The following PCDH11X variants were observed in gnomAD, a reference collection of about 807,000 sequenced individuals.
PCDH11X encodes protocadherin 11 X-linked.
In PCDH11X, 18 loss-of-function variants were observed where a neutral mutation model predicts 53.3. That is an observed-to-expected ratio of 0.34 (90% confidence interval 0.23 to 0.50). The LOEUF (loss-of-function observed/expected upper bound fraction) is 0.50. Ranked by LOEUF, PCDH11X falls within the 20% of genes least tolerant of loss-of-function variation. The probability of loss-of-function intolerance (pLI) is 0.98; values close to 1 mark genes in which losing one functional copy is unlikely to be tolerated. For synonymous variants in PCDH11X, 279 were observed against 393.3 expected, an observed-to-expected ratio of 0.71 and a Z score of 3.44; for missense variants, 570 against 1,032.4, an observed-to-expected ratio of 0.55 and a Z score of 6.14.
At chrX:92,439,721 T>C (rs2072468739) in intron 9 of PCDH11X, among the ~76,000 whole-genome samples, 1 of 107,613 alleles carries the variant, frequency 9.3e-6, no homozygotes. Context: ...TTCTCTCCCC[T>C]CCTCCTCCAT....
intron 6 of PCDH11X, among the ~76,000 whole-genome samples, chrX:91,961,600 A>T (rs1375976087): frequency 9.1e-6 from 1 of 110,258 alleles, no homozygotes; most frequent in African/African-American, 3.3e-5. Flanking sequence ...AAACGAATTC[A>T]GTAAAGTCAC....
intron 7 of PCDH11X, among the ~76,000 whole-genome samples, chrX:92,257,372 TC>T (rs1462753140): frequency 9.0e-6 from 1 of 110,832 alleles, no homozygotes; most frequent in Non-Finnish European, 1.9e-5. Context: ...GCCCCTGGCC[TC>T]CCCCAAATCT....
intron 10 of PCDH11X, among the ~76,000 whole-genome samples, chrX:92,471,928 G>T (rs2073271501): frequency 9.0e-6 from 1 of 110,926 alleles, no homozygotes; most frequent in Non-Finnish European, 1.9e-5. Context: ...GTCTGCTCAT[G>T]TATTTTGTCA....
At chrX:92,367,547 G>A (rs2070505495) in intron 8 of PCDH11X, among the ~76,000 whole-genome samples, 1 of 111,001 alleles carries the variant, frequency 9.0e-6, no homozygotes, top group Admixed American at 9.6e-5. Context: ...TATGATCCTG[G>A]CAGGTTATTT....
rs191062787 is a variant in PCDH11X, at chrX:92,322,522, G to A, written c.3144+59379G>A. The stretch of plus-strand genomic sequence containing the variant: ...ACTCGGGTATAGTCTATGGCTTTAT[G>A]AAGTCTTTATATCTTATTTACTGTA... On this transcript the variant is annotated intron_variant, in intron 8 of 10. Coordinates refer to ENST00000682573, the MANE Select transcript of PCDH11X (RefSeq NM_032968.5). Among the ~76,000 whole-genome samples, 69 of 111,390 alleles carry A rather than the reference G, an allele frequency of 6.2e-4. 1 individual carries two copies. The highest frequency in any genetic ancestry group is 2.2e-3 in the African/African-American group (69 of 30,693).
chrX:92,276,633 G>A (rs866087142), intron 8 of PCDH11X, among the ~76,000 whole-genome samples: 121 of 111,250 alleles, frequency 1.1e-3, no homozygotes, highest in Non-Finnish European at 1.9e-3. Context: ...TCACAGTGGA[G>A]GCAAGGAATT....
Position 92,274,780 on chromosome X carries a change from C to T in PCDH11X, c.3144+11637C>T, listed in dbSNP as rs752772396. 1.2e-4 allele frequency among the ~76,000 whole-genome samples: 13 copies of T among 110,933 alleles called. No individual in the cohort carries two copies. In the East Asian group the frequency reaches 2.9e-3, roughly 24 times the overall value. On this transcript the variant is annotated intron_variant, in intron 8 of 10. Coordinates refer to ENST00000682573, the MANE Select transcript of PCDH11X (RefSeq NM_032968.5). ...TGGCTTGTACTATAGCATAGCCTGC[C>T]TTTGCTGGTGTGTGGCGATAAGGCC...
Position 91,844,032 on chromosome X carries a change from A to T in PCDH11X, c.540+7988A>T, listed in dbSNP as rs1481733008. 2.7e-5 allele frequency among the ~76,000 whole-genome samples: 3 copies of T among 111,652 alleles called. No homozygotes were observed. In the East Asian group the frequency reaches 8.5e-4, roughly 32 times the overall value. On this transcript the variant is annotated intron_variant, in intron 5 of 10. Coordinates refer to ENST00000682573, the MANE Select transcript of PCDH11X (RefSeq NM_032968.5). ...GGATATTATAAAAGCTAATGATGTA[A>T]GTAAAATCTATAAAGTTTGCTGAGT...
intron 8 of PCDH11X, among the ~76,000 whole-genome samples, chrX:92,326,455 G>A (rs1335185734): frequency 9.8e-6 from 1 of 102,143 alleles, no homozygotes; most frequent in Non-Finnish European, 2.0e-5. Flanking sequence ...GATATTCAAG[G>A]GGAACACAGA....
At chrX:92,415,510 G>A (rs1172629230) in intron 9 of PCDH11X, among the ~76,000 whole-genome samples, 5 of 110,418 alleles carry the variant, frequency 4.5e-5, no homozygotes, top group East Asian at 2.8e-4. Flanking sequence ...AGTATATCTC[G>A]CAAAAAATAG....
chrX:92,551,248 G>C (rs1318376189), intron 10 of PCDH11X, among the ~76,000 whole-genome samples: 1 of 111,602 alleles, frequency 9.0e-6, no homozygotes, highest in Non-Finnish European at 1.9e-5. Flanking sequence ...GCTAGCATTT[G>C]TTATTGCCTG....
At chrX:92,143,271 C>A (rs150650407) in intron 6 of PCDH11X, among the ~76,000 whole-genome samples, 7,225 of 111,874 alleles carry the variant, frequency 0.065, 487 homozygotes, top group African/African-American at 0.2. Flanking sequence ...CAGAATGAGA[C>A]CCTGTCCTAA....
At chrX:92,150,734 T>G (rs1457370054) in intron 6 of PCDH11X, among the ~76,000 whole-genome samples, 2 of 111,291 alleles carry the variant, frequency 1.8e-5, no homozygotes, top group Admixed American at 9.6e-5. Context: ...ATTTTATAGT[T>G]TTTCATGTAG....
chrX:91,954,790 TA>T (rs2061688076), intron 6 of PCDH11X, among the ~76,000 whole-genome samples: 1 of 110,619 alleles, frequency 9.0e-6, no homozygotes, highest in South Asian at 3.8e-4. Context: ...GTCCTTTGCT[TA>T]CTTTTTGATG....
intron 1 of PCDH11X, among the ~76,000 whole-genome samples, chrX:91,803,499 T>C (rs1333317453): frequency 1.8e-5 from 2 of 111,594 alleles, no homozygotes; most frequent in Non-Finnish European, 3.8e-5. Context: ...TAAACATATT[T>C]TGTATTGTTT....
intron 10 of PCDH11X, among the ~76,000 whole-genome samples, chrX:92,593,547 C>T (rs1244121321): frequency 3.6e-5 from 4 of 111,208 alleles, no homozygotes; most frequent in Admixed American, 1.9e-4. Flanking sequence ...TGTTAAAGGG[C>T]ATGTAATTTT....
chrX:92,436,956 C>T (rs1220381668), intron 9 of PCDH11X, among the ~76,000 whole-genome samples: 2 of 88,297 alleles, frequency 2.3e-5, no homozygotes, highest in African/African-American at 4.6e-5. Flanking sequence ...ACATGTATTC[C>T]AACCTAAAAT....
intron 10 of PCDH11X, among the ~76,000 whole-genome samples, chrX:92,578,632 T>G (rs934035625): frequency 1.8e-5 from 2 of 111,356 alleles, no homozygotes; most frequent in African/African-American, 6.5e-5. Context: ...ATTTTGAGCC[T>G]ATGTATGTCT....
chrX:91,799,932 T>C (rs1480049155), intron 1 of PCDH11X, among the ~76,000 whole-genome samples: 1 of 111,071 alleles, frequency 9.0e-6, no homozygotes, highest in Non-Finnish European at 1.9e-5. Context: ...CTATTAAAAA[T>C]ACAAAAATCA....
Sources: allele counts gnomAD v4.1 joint callset (sites outside exome capture counted in the v4.1 genomes callset), GRCh38; gene constraint gnomAD v4.1.1; transcripts MANE v1.5; gene names NCBI Gene and HGNC (gene_info 2026-07-23, HGNC 2026-07-21).